Variants in IAPP observed in about 807,000 individuals in gnomAD.
The protein encoded by IAPP is Islet amyloid polypeptide (diabetes-associated peptide; amylin).
A neutral mutation model predicts 2.9 loss-of-function variants in IAPP; 4 were observed. That is an observed-to-expected ratio of 1.39 (90% CI 0.69 to 3.19). IAPP has a LOEUF of 3.19. Ranked by LOEUF, IAPP falls within the 30% of genes most tolerant of loss-of-function variation. The pLI is 0.01. For missense variants in IAPP, 114 were observed against 105.3 expected, an observed-to-expected ratio of 1.08 and a Z score of -0.36; for synonymous variants, 40 against 42.1, an observed-to-expected ratio of 0.95 and a Z score of 0.19.
upstream of IAPP, among the ~76,000 whole-genome samples, chr12:21,371,795 G>C (rs1212102206): frequency 6.6e-6 from 1 of 152,092 alleles, no homozygotes; most frequent in Admixed American, 6.5e-5. Context: ...CTGAGGTTGG[G>C]AGTTCGAGAC....
intron 1 of IAPP, among the ~76,000 whole-genome samples, chr12:21,355,408 G>A (rs888706514): frequency 2.0e-5 from 3 of 152,156 alleles, no homozygotes; most frequent in Non-Finnish European, 1.5e-5. Context: ...CGAAGTGTGA[G>A]GGGGTAGGCA....
upstream of IAPP, among the ~76,000 whole-genome samples, chr12:21,370,410 T>A (rs1939693270): frequency 6.6e-6 from 1 of 151,800 alleles, no homozygotes; most frequent in Non-Finnish European, 1.5e-5. Flanking sequence ...ACATGTGCCA[T>A]GTTGGTGTGC....
chr12:21,374,261 G>T (rs1265993029), intron 2 of IAPP: 1 of 152,338 alleles, frequency 6.6e-6, no homozygotes, highest in East Asian at 1.9e-4. Flanking sequence ...TTTATTTAAA[G>T]GGTTATTAAG....
Position 21,357,043 on chromosome 12 carries a change from C to G in IAPP, c.-16+2030C>G, listed in dbSNP as rs184152820. On this transcript the variant is annotated intron_variant, in intron 1 of 2. Transcript: ENST00000539393. ...AATTTCACTGAGAAAGATTTACGAA[C>G]AAAATCTACTGAGCTAAAGAAAGGA... is the stretch of plus-strand genomic sequence containing the variant. Among the ~76,000 whole-genome samples, 525 of 151,936 alleles carry G rather than the reference C, an allele frequency of 3.5e-3. 4 individuals carry two copies. The highest frequency in any genetic ancestry group is 0.012 in the African/African-American group (497 of 41,486).
At chr12:21,363,555 C>A (rs553205565) in intron 1 of IAPP, among the ~76,000 whole-genome samples, 2 of 152,074 alleles carry the variant, frequency 1.3e-5, no homozygotes, top group Non-Finnish European at 2.9e-5. Flanking sequence ...CAGAGCAGAA[C>A]TGAAGTAGAT....
In IAPP at chr12:21,366,320, G is replaced by T. The variant is rs555568370; in HGVS notation, c.-15-7017G>T. Among the ~76,000 whole-genome samples the T allele has an allele frequency of 4.1e-5, 6 of 145,186 alleles. No individual in the cohort carries two copies. In the East Asian group the frequency reaches 1.3e-3, roughly 32 times the overall value. ...AAGGACAAAAAACCAAACACCACAT[G>T]TTCTCACTCATAGGTGAGAATTGAA... On this transcript the variant is annotated intron_variant, in intron 1 of 2. Coordinates refer to the IAPP transcript ENST00000539393.
At chr12:21,361,980 C>G (rs1428659311) in intron 1 of IAPP, among the ~76,000 whole-genome samples, 2 of 152,110 alleles carry the variant, frequency 1.3e-5, no homozygotes, top group African/African-American at 4.8e-5. Flanking sequence ...TTCAGGATAT[C>G]ATGCCGGAGA....
At chr12:21,356,552 G>C (rs1039329958) in intron 1 of IAPP, among the ~76,000 whole-genome samples, 3 of 151,588 alleles carry the variant, frequency 2.0e-5, no homozygotes, top group African/African-American at 7.3e-5. Context: ...CATAATATTT[G>C]AAAAGGTAAC....
chr12:21,361,584 C>T (rs1411359863), intron 1 of IAPP, among the ~76,000 whole-genome samples: 1 of 152,102 alleles, frequency 6.6e-6, no homozygotes, highest in African/African-American at 2.4e-5. Context: ...TTGGTAATAA[C>T]AAACTTCTCC....
rs181934880 is a variant in IAPP, at chr12:21,379,383, T to C, written c.*957T>C. On this transcript the variant is annotated 3_prime_UTR_variant, in exon 3 of 3. Coordinates refer to ENST00000240652, the MANE Select transcript of IAPP (RefSeq NM_000415.3). ...GTATATGTCATTTATTTTGTTTAAGTGGCTTTCAGCAAACCTCAGTCATAT... is the reference window on the plus strand; with the variant it reads ...GTATATGTCATTTATTTTGTTTAAGCGGCTTTCAGCAAACCTCAGTCATAT... The C allele has an allele frequency of 6.6e-5, 10 of 152,328 alleles. No individual in the cohort carries two copies. The East Asian group carries it at 1.9e-3, about 29-fold the overall frequency. The allele number at this position is 152,328 out of a possible 1,614,324, so 9.4% of individuals were successfully genotyped here. A position where few individuals can be genotyped will look rare whatever the true frequency, so the allele number is the denominator to read the frequency against.
At chr12:21,376,953 G>A (rs1218726877) in intron 2 of IAPP, among the ~76,000 whole-genome samples, 2 of 152,076 alleles carry the variant, frequency 1.3e-5, no homozygotes, top group Non-Finnish European at 2.9e-5. Context: ...AGGAAGCAAT[G>A]TTATTATTCT....
chr12:21,362,241 T>C (rs1565516154), intron 1 of IAPP, among the ~76,000 whole-genome samples: 1 of 152,162 alleles, frequency 6.6e-6, no homozygotes, highest in Non-Finnish European at 1.5e-5. Flanking sequence ...TGGGGGCCAA[T>C]ATTCAACATT....
chr12:21,369,726 G>A (rs138085145), upstream of IAPP, among the ~76,000 whole-genome samples: 65 of 152,292 alleles, frequency 4.3e-4, no homozygotes, highest in Non-Finnish European at 6.3e-4. Context: ...CTGAGATTCT[G>A]CATTTCTAAT....
chr12:21,364,621 A>G (rs993533060), intron 1 of IAPP, among the ~76,000 whole-genome samples: 1 of 152,234 alleles, frequency 6.6e-6, no homozygotes, highest in Non-Finnish European at 1.5e-5. Context: ...CCTGTTGCAG[A>G]GGACATGATT....
At position 21,379,627 on chromosome 12, in the gene IAPP, T is replaced by C. The variant is rs1940460201; in HGVS notation, c.*1201T>C. On this transcript the variant is annotated 3_prime_UTR_variant, in exon 3 of 3. Coordinates refer to ENST00000240652, the MANE Select transcript of IAPP (RefSeq NM_000415.3). ...TGCTTTGCTTTGAGTCAGATTCTTA[T>C]GAATATCTGCTTTTCCCTGACTTTG... 6.6e-6 allele frequency: 1 copy of C among 152,220 alleles called. No homozygotes were observed. Among genetic ancestry groups the C allele is most frequent in the Non-Finnish European group, 1.5e-5 (1 of 68,030 alleles). 9.4% of individuals were successfully genotyped at this position (152,220 alleles called of 1,614,324 possible). A position where few individuals can be genotyped will look rare whatever the true frequency, so the allele number is the denominator to read the frequency against.
upstream of IAPP, among the ~76,000 whole-genome samples, chr12:21,367,941 A>C (rs764355587): frequency 1.3e-5 from 2 of 152,204 alleles, no homozygotes; most frequent in Non-Finnish European, 2.9e-5. Flanking sequence ...GTTCTCTTTC[A>C]TTGAAGAATT....
At chr12:21,361,362 T>A (rs927043941) in intron 1 of IAPP, among the ~76,000 whole-genome samples, 5 of 152,100 alleles carry the variant, frequency 3.3e-5, no homozygotes, top group African/African-American at 1.2e-4. Context: ...AGAAAGGACA[T>A]CCACACCAAA....
At chr12:21,378,126 T>C (rs1478469863) in intron 2 of IAPP, 111 bp from the exon 3 acceptor site, 13 of 968,196 alleles carry the variant, frequency 1.3e-5, no homozygotes, top group Admixed American at 6.9e-5. Context: ...GAGTTACTTA[T>C]GTGAAAATTG....
chr12:21,366,635 G>T (rs1259926807), intron 1 of IAPP, among the ~76,000 whole-genome samples: 1 of 151,946 alleles, frequency 6.6e-6, no homozygotes, highest in African/African-American at 2.4e-5. Context: ...AACAGAAGGA[G>T]AATTTTGAAA....
Sources: gnomAD v4.1 joint callset for allele counts (sites outside exome capture counted in the v4.1 genomes callset) on GRCh38, gnomAD v4.1.1 for gene constraint, MANE v1.5 for transcripts, NCBI Gene and HGNC (gene_info 2026-07-23, HGNC 2026-07-21) for gene names.